XKR9: variants seen among roughly 807,000 people sequenced by gnomAD.
The protein encoded by XKR9 is XK-related protein 9.
Under a neutral mutation model 32.0 loss-of-function variants are expected in XKR9, and 32 were observed. That is an observed-to-expected ratio of 1.00 (90% CI 0.76 to 1.34). The LOEUF (loss-of-function observed/expected upper bound fraction) is 1.34. XKR9 is among the 40% of genes most tolerant of loss of function. The pLI is 0.00. For synonymous variants in XKR9, 168 were observed against 143.4 expected (o/e 1.17, Z -1.22); for missense variants, 546 against 429.7 (o/e 1.27, Z -2.39).
chr8:70,859,210 C>A, the XKR9 span, among the ~76,000 whole-genome samples: 1 of 151,906 alleles, frequency 6.6e-6, no homozygotes, highest in African/African-American at 2.4e-5. Flanking sequence ...AGATATTTCT[C>A]AAAAAAAGAC....
chr8:70,960,240 C>T, the XKR9 span, among the ~76,000 whole-genome samples: 3 of 128,542 alleles, frequency 2.3e-5, no homozygotes, highest in African/African-American at 5.1e-5. Flanking sequence ...AGCAAAACTC[C>T]GTCCCCCCCA....
the XKR9 span, among the ~76,000 whole-genome samples, chr8:70,973,516 C>T: frequency 1.3e-5 from 2 of 151,590 alleles, no homozygotes; most frequent in South Asian, 2.1e-4. Flanking sequence ...TTAGATTGTT[C>T]TTGTTTCTCC....
downstream of XKR9, among the ~76,000 whole-genome samples, chr8:70,793,281 T>C (rs149227447): frequency 4.5e-3 from 680 of 152,176 alleles, 8 homozygotes; most frequent in African/African-American, 0.016. Context: ...ATGGAAGTAT[T>C]GAGAGGTGAG....
intron 2 of XKR9, among the ~76,000 whole-genome samples, chr8:70,744,260 G>A (rs996082001): frequency 2.0e-5 from 3 of 151,846 alleles, no homozygotes; most frequent in South Asian, 2.1e-4. Context: ...GCAGTGAGCC[G>A]AGATCATGCC....
At chr8:70,853,572 T>A in the XKR9 span, among the ~76,000 whole-genome samples, 1 of 151,688 alleles carries the variant, frequency 6.6e-6, no homozygotes, top group Non-Finnish European at 1.5e-5. Flanking sequence ...ACTTTAAGAT[T>A]TAGGGTACAT....
intron 3 of XKR9, among the ~76,000 whole-genome samples, chr8:70,682,845 A>G (rs773005029): frequency 3.3e-5 from 5 of 152,216 alleles, no homozygotes; most frequent in Non-Finnish European, 7.3e-5. Context: ...AAATTGATTG[A>G]GTTGAGGTCC....
chr8:70,990,056 CTT>C, the XKR9 span, among the ~76,000 whole-genome samples: 1 of 152,312 alleles, frequency 6.6e-6, no homozygotes, highest in African/African-American at 2.4e-5. Flanking sequence ...ATCCTTGACT[CTT>C]AGCCCTGTTT....
chr8:70,801,626 A>G, the XKR9 span, among the ~76,000 whole-genome samples: 1 of 152,120 alleles, frequency 6.6e-6, no homozygotes, highest in Non-Finnish European at 1.5e-5. Context: ...AGATGAGAAG[A>G]ATGTGTATTC....
chr8:70,739,592 G>T (rs560552307), downstream of XKR9, among the ~76,000 whole-genome samples: 1 of 152,184 alleles, frequency 6.6e-6, no homozygotes, highest in Non-Finnish European at 1.5e-5. Flanking sequence ...GCATGATTTT[G>T]CAGTGGCTGG....
chr8:70,901,828 G>A, the XKR9 span, among the ~76,000 whole-genome samples: 12,745 of 152,116 alleles, frequency 0.084, 610 homozygotes, highest in African/African-American at 0.097. Context: ...TCTTGAATTA[G>A]CTTTTGTGTA....
the XKR9 span, among the ~76,000 whole-genome samples, chr8:70,809,690 A>C: frequency 2.6e-5 from 4 of 152,244 alleles, no homozygotes; most frequent in Non-Finnish European, 5.9e-5. Flanking sequence ...AAGAAAGGGT[A>C]TCAGTGATGG....
At chr8:71,014,999 A>T in the XKR9 span, among the ~76,000 whole-genome samples, 2 of 152,188 alleles carry the variant, frequency 1.3e-5, no homozygotes, top group Non-Finnish European at 2.9e-5. Context: ...GCTGGGATAA[A>T]ATGCCACATG....
intron 3 of XKR9, among the ~76,000 whole-genome samples, chr8:70,699,459 T>C (rs936458247): frequency 7.9e-5 from 12 of 151,920 alleles, no homozygotes; most frequent in Admixed American, 2.0e-4. Flanking sequence ...TTTGTCTGGA[T>C]ATGAATTTCT....
At chr8:70,854,369 G>A in the XKR9 span, among the ~76,000 whole-genome samples, 1 of 151,990 alleles carries the variant, frequency 6.6e-6, no homozygotes, top group Admixed American at 6.6e-5. Flanking sequence ...TTGTTGATGG[G>A]GTTGTTTTTT....
At chr8:70,737,073 C>G (rs1422381044), downstream of XKR9, among the ~76,000 whole-genome samples, 1 of 151,738 alleles carries the variant, frequency 6.6e-6, no homozygotes, top group Non-Finnish European at 1.5e-5. Flanking sequence ...TGGCCATTTT[C>G]ATGATATTGA....
At chr8:70,864,488 A>G in the XKR9 span, among the ~76,000 whole-genome samples, 2 of 152,210 alleles carry the variant, frequency 1.3e-5, no homozygotes, top group Non-Finnish European at 2.9e-5. Context: ...AAACTAACCT[A>G]GATAAATAAA....
the XKR9 span, among the ~76,000 whole-genome samples, chr8:70,802,730 C>T: frequency 6.6e-6 from 1 of 152,148 alleles, no homozygotes; most frequent in Non-Finnish European, 1.5e-5. Flanking sequence ...TTCTCCTTCA[C>T]TTTTGAAGTT....
At chr8:70,924,221 C>T in the XKR9 span, among the ~76,000 whole-genome samples, 1,605 of 152,254 alleles carry the variant, frequency 0.011, 34 homozygotes, top group African/African-American at 0.037. Context: ...TTTGTCTTGC[C>T]TTCTGATTAT....
chr8:70,993,601 T>TCCTTCCTTCCTTC, the XKR9 span, among the ~76,000 whole-genome samples: 56 of 105,206 alleles, frequency 5.3e-4, no homozygotes, highest in African/African-American at 1.5e-3. Context: ...TCATAGGACA[T>TCCTTCCTTCCTTC]CTTCCTTCCT....
Sources: gnomAD v4.1 joint callset for allele counts (sites outside exome capture counted in the v4.1 genomes callset) on GRCh38, gnomAD v4.1.1 for gene constraint, MANE v1.5 for transcripts, NCBI Gene and HGNC (gene_info 2026-07-23, HGNC 2026-07-21) for gene names.